The following CNTN4 variants were observed in gnomAD, a reference collection of about 807,000 sequenced individuals.
CNTN4 encodes contactin-4.
In CNTN4, 77 loss-of-function variants were observed where a neutral mutation model predicts 122.5. The observed-to-expected ratio is 0.63, with a 90% confidence interval of 0.52 to 0.76. The LOEUF is 0.76. Ranked by LOEUF, CNTN4 falls within the 30% of genes least tolerant of loss-of-function variation. The probability of loss-of-function intolerance (pLI) is 0.00; values close to 1 mark genes in which losing one functional copy is unlikely to be tolerated. For synonymous variants in CNTN4, 512 were observed against 447.0 expected (o/e 1.15, Z -1.83); for missense variants, 1,256 against 1,259.1 (o/e 1.00, Z 0.04).
At chr3:2,431,662 A>G (rs542006456) in intron 3 of CNTN4, among the ~76,000 whole-genome samples, 1 of 152,226 alleles carries the variant, frequency 6.6e-6, no homozygotes, top group African/African-American at 2.4e-5. Context: ...AGGACACAGT[A>G]GAGAGCAAAG....
rs71058651 is a variant in CNTN4, at chr3:2,804,065, G to GCACACACACACACACA, written c.359-15403_359-15388dup. ...TAGGGATATATATATATATATGTCT[G>GCACACACACACACACA]CACACACACACACACACACACACAC... is the stretch of plus-strand genomic sequence containing the variant. On this transcript the variant is annotated intron_variant, in intron 6 of 24. Coordinates refer to ENST00000418658, the MANE Select transcript of CNTN4 (RefSeq NM_175607.3). Among the ~76,000 whole-genome samples the GCACACACACACACACA allele has an allele frequency of 4.2e-5, 6 of 144,326 alleles. 1 individual carries two copies. The highest frequency in any genetic ancestry group is 6.1e-5 in the Non-Finnish European group (4 of 65,896). 94.7% of individuals were successfully genotyped at this position (144,326 alleles called of 152,430 possible).
At chr3:2,813,954 A>G (rs2092671932) in intron 6 of CNTN4, among the ~76,000 whole-genome samples, 2 of 152,206 alleles carry the variant, frequency 1.3e-5, no homozygotes, top group Admixed American at 1.3e-4. Flanking sequence ...CCAGGAATGT[A>G]ACTGCTAAAT....
intron 4 of CNTN4, among the ~76,000 whole-genome samples, chr3:2,637,827 T>C (rs555735313): frequency 9.9e-5 from 15 of 152,144 alleles, no homozygotes; most frequent in Non-Finnish European, 2.2e-4. Context: ...TTTCTACATT[T>C]CTAACTTCCG....
chr3:2,610,854 TC>T (rs2081451717), intron 4 of CNTN4, among the ~76,000 whole-genome samples: 1 of 152,176 alleles, frequency 6.6e-6, no homozygotes, highest in Non-Finnish European at 1.5e-5. Context: ...TGCACAGTTT[TC>T]CACTAGTAAC....
chr3:2,968,074 T>C lies in CNTN4; in HGVS notation c.1359-20271T>C, dbSNP rs370006233. The stretch of plus-strand genomic sequence containing the variant: ...TTCAGATGGTATCAGCTGGAACAAA[T>C]AAGCTGAGATTGCATTTGCTGTTTT... On this transcript the variant is annotated intron_variant, in intron 13 of 24. Transcript: ENST00000418658. Among the ~76,000 whole-genome samples the C allele has an allele frequency of 5.6e-4, 85 of 152,274 alleles. No individual in the cohort carries two copies. The East Asian group carries it at 0.013, about 22-fold the overall frequency.
chr3:2,617,828 C>G (rs1576236373), intron 4 of CNTN4, among the ~76,000 whole-genome samples: 1 of 152,008 alleles, frequency 6.6e-6, no homozygotes, highest in East Asian at 1.9e-4. Context: ...GTTATAATCT[C>G]TGTGCAAGAT....
chr3:2,855,025 G>A (rs981549073), intron 7 of CNTN4, among the ~76,000 whole-genome samples: 8 of 152,260 alleles, frequency 5.3e-5, no homozygotes, highest in Middle Eastern at 3.4e-3. Context: ...AAGTGCTGAT[G>A]GTACGAGTGA....
At chr3:2,859,064 T>A (rs992595898) in intron 7 of CNTN4, among the ~76,000 whole-genome samples, 3 of 152,230 alleles carry the variant, frequency 2.0e-5, no homozygotes, top group African/African-American at 4.8e-5. Flanking sequence ...CCAACCTCCC[T>A]GCTCCCCAGC....
intron 2 of CNTN4, among the ~76,000 whole-genome samples, chr3:2,258,991 G>T (rs149104935): frequency 6.6e-6 from 1 of 151,914 alleles, no homozygotes; most frequent in Non-Finnish European, 1.5e-5. Flanking sequence ...ACCTTATAAG[G>T]CATAAGTGCT....
intron 2 of CNTN4, among the ~76,000 whole-genome samples, chr3:2,218,326 C>A (rs2038928831): frequency 6.6e-6 from 1 of 151,900 alleles, no homozygotes; most frequent in African/African-American, 2.4e-5. Flanking sequence ...TATGAAATTG[C>A]AAACATGTAT....
intron 6 of CNTN4, among the ~76,000 whole-genome samples, chr3:2,766,906 C>T (rs2090886153): frequency 6.6e-6 from 1 of 151,968 alleles, no homozygotes; most frequent in South Asian, 2.1e-4. Flanking sequence ...GTGACAAAGT[C>T]CATGTTGGTT....
chr3:2,332,076 C>T (rs946312466), intron 2 of CNTN4, among the ~76,000 whole-genome samples: 2 of 152,034 alleles, frequency 1.3e-5, no homozygotes, highest in East Asian at 1.9e-4. Context: ...CCTTTAGAGT[C>T]GATAGGGGTT....
At chr3:3,039,880 T>C (rs1490467556) in intron 19 of CNTN4, 157 bp from the exon 20 acceptor site, 3 of 683,922 alleles carry the variant, frequency 4.4e-6, no homozygotes, top group Non-Finnish European at 5.4e-6. Flanking sequence ...TAAGATAGAC[T>C]GACTGCAAGC....
At chr3:2,630,112 G>C (rs2082365751) in intron 4 of CNTN4, among the ~76,000 whole-genome samples, 1 of 152,152 alleles carries the variant, frequency 6.6e-6, no homozygotes, top group African/African-American at 2.4e-5. Context: ...GCAGCATTGA[G>C]AAGTTGTAAA....
intron 3 of CNTN4, among the ~76,000 whole-genome samples, chr3:2,366,386 G>T (rs950024933): frequency 3.9e-5 from 6 of 152,224 alleles, no homozygotes; most frequent in Non-Finnish European, 8.8e-5. Context: ...AAAAACTTAT[G>T]CCCATTTCAT....
intron 2 of CNTN4, among the ~76,000 whole-genome samples, chr3:2,198,260 C>T (rs1457105324): frequency 1.3e-5 from 2 of 152,042 alleles, no homozygotes. Flanking sequence ...GTTTTATTAC[C>T]ATTTGAAATA....
chr3:2,949,974 AAAC>A (rs2094721195), intron 13 of CNTN4, among the ~76,000 whole-genome samples: 1 of 152,242 alleles, frequency 6.6e-6, no homozygotes, highest in Non-Finnish European at 1.5e-5. Flanking sequence ...CATTTGAATA[AAAC>A]AACTTAAGAA....
At chr3:2,751,312 C>T (rs985191365) in intron 6 of CNTN4, among the ~76,000 whole-genome samples, 4 of 151,636 alleles carry the variant, frequency 2.6e-5, no homozygotes, top group African/African-American at 7.3e-5. Flanking sequence ...AGCGAGACTC[C>T]GTCTCAAAAA....
chr3:2,830,984 C>A (rs1460905746), intron 7 of CNTN4, among the ~76,000 whole-genome samples: 1 of 152,186 alleles, frequency 6.6e-6, no homozygotes, highest in African/African-American at 2.4e-5. Flanking sequence ...ATATTTACCA[C>A]TCTCAGGGAT....
Sources: gnomAD v4.1 joint callset for allele counts (sites outside exome capture counted in the v4.1 genomes callset) on GRCh38, gnomAD v4.1.1 for gene constraint, MANE v1.5 for transcripts, NCBI Gene and HGNC (gene_info 2026-07-23, HGNC 2026-07-21) for gene names.